Variants in CPA6 observed in about 807,000 individuals in gnomAD.
The protein encoded by CPA6 is carboxypeptidase A6, also known as carboxypeptidase B.
CPA6 carries 58 observed loss-of-function variants against 63.3 expected under a neutral mutation model. The ratio of observed to expected loss-of-function variants is 0.92; its 90% CI spans 0.74 to 1.14. The LOEUF (loss-of-function observed/expected upper bound fraction) is 1.14. Ranked by LOEUF, CPA6 falls within the 50% of genes most tolerant of loss-of-function variation. The pLI is 0.00. For missense variants in CPA6, 565 were observed against 526.6 expected (o/e 1.07, Z -0.71); for synonymous variants, 185 against 179.0 (o/e 1.03, Z -0.27).
intron 1 of CPA6, among the ~76,000 whole-genome samples, chr8:67,641,540 G>T (rs1815591690): frequency 1.3e-5 from 2 of 152,214 alleles, no homozygotes. Context: ...TATTGAAAGT[G>T]CAGTATGGAG....
At chr8:67,564,748 T>C (rs945637679) in intron 2 of CPA6, among the ~76,000 whole-genome samples, 9 of 152,360 alleles carry the variant, frequency 5.9e-5, no homozygotes, top group African/African-American at 2.2e-4. Context: ...ATGATGTCAA[T>C]GCATTTTAAT....
chr8:67,670,277 G>A (rs2128994224), intron 1 of CPA6, among the ~76,000 whole-genome samples: 1 of 152,322 alleles, frequency 6.6e-6, no homozygotes, highest in East Asian at 1.9e-4. Context: ...CATGGAGGAA[G>A]GTGAGGGGGA....
In CPA6 at chr8:67,607,156, CTTCTTCTT is replaced by C. The variant is rs1814667898; in HGVS notation, c.192+17012_192+17019del. On this transcript the variant is annotated intron_variant, in intron 2 of 10. Coordinates refer to ENST00000297770, the MANE Select transcript of CPA6 (RefSeq NM_020361.5). ...TCCTCCCCCTCCTCCCCCCCCTCCT[CTTCTTCTT>C]CTTCCTCTTCTTCTTCTTCTTCTTC... Among the ~76,000 whole-genome samples the C allele has an allele frequency of 2.9e-4, 28 of 97,782 alleles. 4 individuals carry two copies. The highest frequency in any genetic ancestry group is 1.0e-3 in the African/African-American group (23 of 22,426). 64.1% of individuals were successfully genotyped at this position (97,782 alleles called of 152,430 possible).
chr8:67,745,730 T>A (rs960006342), intron 1 of CPA6, among the ~76,000 whole-genome samples: 3 of 152,314 alleles, frequency 2.0e-5, no homozygotes, highest in Non-Finnish European at 1.5e-5. Context: ...CTGTAAATAC[T>A]GACCATGGCT....
intron 2 of CPA6, among the ~76,000 whole-genome samples, chr8:67,591,125 C>A (rs1035410675): frequency 5.9e-5 from 9 of 152,082 alleles, no homozygotes; most frequent in Non-Finnish European, 1.2e-4. Flanking sequence ...TTTCCCAGCA[C>A]CATTTATTAA....
intron 2 of CPA6, among the ~76,000 whole-genome samples, chr8:67,555,320 G>A (rs1312562038): frequency 6.6e-6 from 1 of 152,172 alleles, no homozygotes; most frequent in East Asian, 1.9e-4. Flanking sequence ...CAGAGATTGA[G>A]TTCAGTCATC....
At chr8:67,611,075 C>A (rs1263242199) in intron 2 of CPA6, among the ~76,000 whole-genome samples, 1 of 131,570 alleles carries the variant, frequency 7.6e-6, no homozygotes, top group African/African-American at 3.3e-5. Context: ...TGGCCATGGC[C>A]TTTTCACTCC....
chr8:67,678,565 T>C (rs186379461), intron 1 of CPA6, among the ~76,000 whole-genome samples: 1 of 152,270 alleles, frequency 6.6e-6, no homozygotes, highest in Non-Finnish European at 1.5e-5. Context: ...AAATTAATAC[T>C]CAATGCAACA....
intron 1 of CPA6, among the ~76,000 whole-genome samples, chr8:67,677,120 C>A (rs1323112530): frequency 6.6e-6 from 1 of 152,156 alleles, no homozygotes; most frequent in Non-Finnish European, 1.5e-5. Context: ...GCACAGGGTA[C>A]AACCTTCGCA....
intron 1 of CPA6, among the ~76,000 whole-genome samples, chr8:67,653,670 T>C (rs1431179333): frequency 2.0e-5 from 3 of 151,984 alleles, no homozygotes; most frequent in African/African-American, 4.8e-5. Context: ...TCTAGATATA[T>C]AATCATGTCA....
At chr8:67,592,372 A>AG (rs1814154416) in intron 2 of CPA6, among the ~76,000 whole-genome samples, 5 of 152,080 alleles carry the variant, frequency 3.3e-5, no homozygotes. Flanking sequence ...TCTCTGCCAC[A>AG]CTTTGGTATC....
chr8:67,735,973 G>A (rs1156279438), intron 1 of CPA6, among the ~76,000 whole-genome samples: 2 of 152,046 alleles, frequency 1.3e-5, no homozygotes, highest in African/African-American at 2.4e-5. Context: ...TGTGGAGCTG[G>A]GTTTATGGTT....
intron 1 of CPA6, among the ~76,000 whole-genome samples, chr8:67,687,287 C>T (rs192062291): frequency 4.9e-4 from 74 of 152,236 alleles, no homozygotes; most frequent in Non-Finnish European, 9.1e-4. Context: ...TGGTTGGTCT[C>T]CCTTGAGATA....
intron 3 of CPA6, among the ~76,000 whole-genome samples, chr8:67,516,018 G>T (rs1469502431): frequency 2.0e-5 from 3 of 152,050 alleles, no homozygotes; most frequent in Non-Finnish European, 4.4e-5. Flanking sequence ...TAGACCCAGG[G>T]ATGAATACTT....
At chr8:67,438,727 T>TGG (rs1810219709) in intron 8 of CPA6, among the ~76,000 whole-genome samples, 1 of 151,476 alleles carries the variant, frequency 6.6e-6, no homozygotes, top group South Asian at 2.1e-4. Context: ...CGAAGTATAA[T>TGG]GATCCAGGTA....
chr8:67,479,020 A>C (rs1811302155), intron 8 of CPA6, among the ~76,000 whole-genome samples: 1 of 152,112 alleles, frequency 6.6e-6, no homozygotes, highest in Admixed American at 6.5e-5. Context: ...GACTCTGTCT[A>C]AAAGAAAAGA....
At chr8:67,492,080 GA>G (rs1298134011) in intron 6 of CPA6, among the ~76,000 whole-genome samples, 1 of 152,188 alleles carries the variant, frequency 6.6e-6, no homozygotes, top group Non-Finnish European at 1.5e-5. Context: ...GCAAAGAAAT[GA>G]AAAGTGCTAA....
At chr8:67,698,501 G>A (rs559384992) in intron 1 of CPA6, among the ~76,000 whole-genome samples, 1 of 152,234 alleles carries the variant, frequency 6.6e-6, no homozygotes, top group East Asian at 1.9e-4. Flanking sequence ...TATAAAACAG[G>A]CTTTGTGACC....
intron 2 of CPA6, among the ~76,000 whole-genome samples, chr8:67,545,580 T>TTG (rs1554672938): frequency 6.4e-5 from 8 of 125,632 alleles, no homozygotes; most frequent in Non-Finnish European, 1.0e-4. Context: ...TTTTTTTTTT[T>TTG]TTTTGAGATG....
Sources: allele counts gnomAD v4.1 joint callset (sites outside exome capture counted in the v4.1 genomes callset), GRCh38; gene constraint gnomAD v4.1.1; transcripts MANE v1.5; gene names NCBI Gene and HGNC (gene_info 2026-07-23, HGNC 2026-07-21).